Variants in AGO2 observed in about 807,000 individuals in gnomAD.
AGO2 encodes the protein argonaute RISC catalytic component 2.
AGO2 carries 5 observed loss-of-function variants against 102.3 expected under a neutral mutation model. The observed-to-expected ratio is 0.05, with a 90% CI of 0.03 to 0.10. The LOEUF (loss-of-function observed/expected upper bound fraction) is 0.10, where lower values mean the gene tolerates loss of function less well. Ranked by LOEUF, AGO2 falls within the 10% of genes least tolerant of loss-of-function variation. AGO2 has a pLI of 1.00. For synonymous variants in AGO2, 449 were observed against 473.1 expected, an observed-to-expected ratio of 0.95 and a Z score of 0.66; for missense variants, 541 against 1,183.7, an observed-to-expected ratio of 0.46 and a Z score of 7.97.
At chr8:140,544,330 C>T in intron 13 of AGO2, 27 bp from the exon 14 acceptor site, 1 of 1,581,130 alleles carries the variant, frequency 6.3e-7, no homozygotes, top group Non-Finnish European at 8.6e-7. Context: ...CGTCAGGGGC[C>T]ACGGTGAGAC....
intron 1 of AGO2, among the ~76,000 whole-genome samples, chr8:140,610,069 G>A (rs1208822372): frequency 3.3e-5 from 5 of 149,816 alleles, no homozygotes; most frequent in Non-Finnish European, 1.5e-5. Context: ...GCCAGGTATG[G>A]TGGTGCACAC....
intron 3 of AGO2, among the ~76,000 whole-genome samples, chr8:140,571,471 C>A (rs1275071303): frequency 6.6e-6 from 1 of 152,190 alleles, no homozygotes; most frequent in East Asian, 1.9e-4. Flanking sequence ...GCTTTCCAGC[C>A]TGGGCGACAG....
intron 2 of AGO2, 62 bp from the exon 3 acceptor site, chr8:140,572,994 C>A (rs552897135): frequency 4.6e-6 from 7 of 1,511,308 alleles, no homozygotes; most frequent in South Asian, 3.7e-5. Flanking sequence ...CATACAAGGA[C>A]ATTTTTCTGA....
chr8:140,595,869 GTATA>G (rs2073828738), intron 1 of AGO2, among the ~76,000 whole-genome samples: 3 of 35,664 alleles, frequency 8.4e-5, no homozygotes, highest in African/African-American at 5.9e-4. Flanking sequence ...ATATACAATT[GTATA>G]TTATATAATA....
chr8:140,614,718 C>T (rs1255273931), intron 1 of AGO2, among the ~76,000 whole-genome samples: 4 of 152,228 alleles, frequency 2.6e-5, no homozygotes, highest in Non-Finnish European at 5.9e-5. Flanking sequence ...CCAGTACTTA[C>T]TGCTGCGTGA....
At chr8:140,591,109 C>T (rs924583173) in intron 1 of AGO2, among the ~76,000 whole-genome samples, 46 of 152,252 alleles carry the variant, frequency 3.0e-4, no homozygotes, top group Non-Finnish European at 1.5e-5. Context: ...GGGCAGTCCT[C>T]ACAGCGGGGG....
In AGO2 at chr8:140,531,654, C is replaced by T. The variant is rs1217377823; in HGVS notation, c.*390G>A. The stretch of plus-strand genomic sequence containing the variant: ...GCTTTCACTCTCAGAAGATTCACAG[C>T]TAGTTTGAGCCCATCAATTTCATAG... On this transcript the variant is annotated 3_prime_UTR_variant, in exon 19 of 19. Coordinates refer to ENST00000220592, the MANE Select transcript of AGO2 (RefSeq NM_012154.5). The T allele has an allele frequency of 2.4e-5, 4 of 166,934 alleles. No individual in the cohort carries two copies. The highest frequency in any genetic ancestry group is 5.3e-5 in the Non-Finnish European group (4 of 75,482). 10.3% of individuals were successfully genotyped at this position (166,934 alleles called of 1,614,324 possible).
intron 2 of AGO2, among the ~76,000 whole-genome samples, chr8:140,580,172 C>T (rs1015436434): frequency 6.6e-6 from 1 of 152,260 alleles, no homozygotes; most frequent in Non-Finnish European, 1.5e-5. Flanking sequence ...CACAGCTGTA[C>T]GGGACGCTCC....
chr8:140,592,095 G>A (rs918496293), intron 1 of AGO2: 17 of 148,676 alleles, frequency 1.1e-4, no homozygotes, highest in Admixed American at 8.2e-4. Flanking sequence ...ACTCCTGCCT[G>A]AGCAACAAGA....
intron 14 of AGO2, 164 bp from the exon 15 acceptor site, chr8:140,541,522 C>G: frequency 4.8e-6 from 3 of 619,134 alleles, no homozygotes; most frequent in Non-Finnish European, 8.1e-6. Flanking sequence ...AGCCTTTAGG[C>G]TTTTGGTGTC....
At position 140,562,520 on chromosome 8, in the gene AGO2, G is replaced by C; in HGVS notation, c.451C>G (p.Leu151Val). Residue 151 changes from leucine (L) to valine (V), a missense_variant, in exon 4 of 19, where the codon CTG becomes GTG. Transcript: ENST00000220592. ...QALHDALSGR[L>V]PSVPFETIQA... ...ATCGTCTCAAAAGGGACGCTGGGCA[G>C]CCGCCCTGAAAGTGCATCGTGTAAC... 1 of 1,614,072 alleles carries C rather than the reference G, an allele frequency of 6.2e-7. No individual in the cohort carries two copies. Among genetic ancestry groups the C allele is most frequent in the Non-Finnish European group, 8.5e-7 (1 of 1,180,034 alleles).
chr8:140,638,765 A>G (rs545582560), upstream of AGO2, among the ~76,000 whole-genome samples: 64 of 152,284 alleles, frequency 4.2e-4, no homozygotes, highest in Admixed American at 1.8e-3. Flanking sequence ...TTGTAGAGAC[A>G]GGTCTCACTG....
At chr8:140,561,179 A>T (rs2073195658) in intron 4 of AGO2, among the ~76,000 whole-genome samples, 2 of 152,238 alleles carry the variant, frequency 1.3e-5, no homozygotes, top group African/African-American at 4.8e-5. Context: ...TCTCCAGCAC[A>T]GCAGCCTCAC....
chr8:140,543,898 G>A (rs1399625844), intron 14 of AGO2, among the ~76,000 whole-genome samples: 6 of 152,204 alleles, frequency 3.9e-5, no homozygotes, highest in East Asian at 3.8e-4. Flanking sequence ...GGGCACAGGC[G>A]TCATCACACC....
At chr8:140,560,636 A>C in intron 4 of AGO2, 126 bp from the exon 5 acceptor site, 1 of 1,170,976 alleles carries the variant, frequency 8.5e-7, no homozygotes, top group Non-Finnish European at 1.2e-6. Context: ...CTCCTTTTAA[A>C]TCCACGTTTA....
chr8:140,588,864 G>T (rs1414815995), intron 1 of AGO2, among the ~76,000 whole-genome samples: 1 of 152,200 alleles, frequency 6.6e-6, no homozygotes, highest in African/African-American at 2.4e-5. Context: ...CCAGCGCAGC[G>T]TCATGTACAC....
chr8:140,573,078 C>A, intron 2 of AGO2, 146 bp from the exon 3 acceptor site: 1 of 913,436 alleles, frequency 1.1e-6, no homozygotes, highest in Non-Finnish European at 1.6e-6. Flanking sequence ...GGCGTGATCT[C>A]AGCTCACTGC....
At chr8:140,613,700 G>A (rs1008110594) in intron 1 of AGO2, among the ~76,000 whole-genome samples, 10 of 152,024 alleles carry the variant, frequency 6.6e-5, no homozygotes, top group Non-Finnish European at 8.8e-5. Context: ...GCAGAAATTC[G>A]GGTCTGGTTT....
At position 140,606,885 on chromosome 8, in the gene AGO2, C is replaced by T. The variant is rs188621456; in HGVS notation, c.23-21574G>A. ...CTGGGAGACGGAGGTTGTGGTGAGC[C>T]GAGATCACACCACTGTACTCCAGCC... On this transcript the variant is annotated intron_variant, in intron 1 of 18. Transcript: ENST00000220592. Among the ~76,000 whole-genome samples the T allele has an allele frequency of 4.0e-5, 6 of 150,758 alleles. No homozygotes were observed. The Admixed American group carries it at 4.0e-4, about 10-fold the overall frequency.
Sources: gnomAD v4.1 joint callset for allele counts (sites outside exome capture counted in the v4.1 genomes callset) on GRCh38, gnomAD v4.1.1 for gene constraint, MANE v1.5 for transcripts, NCBI Gene and HGNC (gene_info 2026-07-23, HGNC 2026-07-21) for gene names.